Variants in GRM4 observed in about 807,000 individuals in gnomAD.
GRM4 encodes glutamate metabotropic receptor 4, also known as metabotropic glutamate receptor 4.
Under a neutral mutation model 81.7 loss-of-function variants are expected in GRM4, and 28 were observed. The observed-to-expected ratio is 0.34, with a 90% CI of 0.25 to 0.47. The LOEUF is 0.47. GRM4 is among the 20% of genes least tolerant of loss of function. The pLI, the probability that GRM4 is intolerant of heterozygous loss-of-function variation, is 1.00. For synonymous variants in GRM4, 488 were observed against 528.8 expected, an observed-to-expected ratio of 0.92 and a Z score of 1.06; for missense variants, 948 against 1,290.0, an observed-to-expected ratio of 0.73 and a Z score of 4.06.
chr6:34,084,591 T>C (rs977561779), intron 3 of GRM4, among the ~76,000 whole-genome samples: 1 of 152,116 alleles, frequency 6.6e-6, no homozygotes, highest in African/African-American at 2.4e-5. Flanking sequence ...CAAGTGGAGA[T>C]GGTCAGCCAA....
intron 2 of GRM4, among the ~76,000 whole-genome samples, chr6:34,105,255 GC>G (rs960242380): frequency 8.5e-5 from 13 of 152,292 alleles, no homozygotes; most frequent in Middle Eastern, 6.8e-3. Flanking sequence ...CAGAGAGGAG[GC>G]CCCCCTGGGG....
intron 5 of GRM4, among the ~76,000 whole-genome samples, chr6:34,057,410 A>G (rs1014833035): frequency 2.6e-5 from 4 of 152,146 alleles, no homozygotes; most frequent in Admixed American, 2.6e-4. Flanking sequence ...TGGAAGCAAA[A>G]TGACCGGCCA....
chr6:34,151,941 G>A (rs1211877087), intron 1 of GRM4, among the ~76,000 whole-genome samples: 1 of 152,078 alleles, frequency 6.6e-6, no homozygotes, highest in Non-Finnish European at 1.5e-5. Context: ...GGGGCAGTTT[G>A]GGGGATGAAA....
At position 34,044,363 on chromosome 6, in the gene GRM4, GAC is replaced by G. The variant is rs1214470954; in HGVS notation, c.1169-3617_1169-3616del. On this transcript the variant is annotated intron_variant, in intron 6 of 10. Coordinates refer to ENST00000538487, the MANE Select transcript of GRM4 (RefSeq NM_000841.4). ...ATACATACATACACATATATACACA[GAC>G]ACACACATACACACACATAGACATA... 9.4e-5 allele frequency among the ~76,000 whole-genome samples: 8 copies of G among 85,028 alleles called. No individual in the cohort carries two copies. In the East Asian group the frequency reaches 1.0e-3, roughly 11 times the overall value. 55.8% of individuals were successfully genotyped at this position (85,028 alleles called of 152,430 possible).
intron 6 of GRM4, chr6:34,055,781 A>G (rs1765841397): frequency 1.3e-5 from 2 of 152,140 alleles, no homozygotes; most frequent in Admixed American, 1.3e-4. Flanking sequence ...CCCTCTATCT[A>G]TGGGAATTCA....
chr6:34,122,311 CAGA>C (rs1336549116), intron 2 of GRM4, among the ~76,000 whole-genome samples: 1 of 152,038 alleles, frequency 6.6e-6, no homozygotes, highest in Non-Finnish European at 1.5e-5. Flanking sequence ...CACAGTCAGA[CAGA>C]AGGAGGCAGG....
intron 2 of GRM4, among the ~76,000 whole-genome samples, chr6:34,125,641 G>A (rs914872181): frequency 3.3e-5 from 5 of 152,234 alleles, no homozygotes; most frequent in South Asian, 2.1e-4. Flanking sequence ...GCACGCAGAG[G>A]ATTGGCTGCC....
chr6:34,122,597 G>T lies in GRM4; in HGVS notation c.519+10381C>A, dbSNP rs139950187. ...GTCGGGAGAAAAATGAAGGCACATGGTTCATTCAGCGGTGGGCGGGGGGTG... is the reference window on the plus strand; with the variant it reads ...GTCGGGAGAAAAATGAAGGCACATGTTTCATTCAGCGGTGGGCGGGGGGTG... On this transcript the variant is annotated intron_variant, in intron 2 of 10. Transcript: ENST00000538487. 2.2e-3 allele frequency among the ~76,000 whole-genome samples: 314 copies of T among 143,038 alleles called. 3 individuals are homozygous for T. Among genetic ancestry groups the T allele is most frequent in the African/African-American group, 7.4e-3 (293 of 39,656 alleles). 93.8% of individuals were successfully genotyped at this position (143,038 alleles called of 152,430 possible).
chr6:34,100,397 C>T (rs1768772176), intron 2 of GRM4, among the ~76,000 whole-genome samples: 1 of 152,226 alleles, frequency 6.6e-6, no homozygotes, highest in Non-Finnish European at 1.5e-5. Context: ...GAGTGCATGT[C>T]AGAGTGTCCT....
chr6:34,052,169 C>T (rs888821747), intron 6 of GRM4, among the ~76,000 whole-genome samples: 7 of 152,210 alleles, frequency 4.6e-5, no homozygotes, highest in Admixed American at 3.9e-4. Flanking sequence ...CATCCCTCCA[C>T]CAATGCCTGA....
chr6:34,143,109 T>TG (rs998548776), intron 1 of GRM4, among the ~76,000 whole-genome samples: 6 of 152,002 alleles, frequency 3.9e-5, no homozygotes, highest in African/African-American at 9.7e-5. Context: ...GTGCGGGGTG[T>TG]GGGGGGGATA....
chr6:34,065,297 C>A (rs533227018), intron 3 of GRM4, among the ~76,000 whole-genome samples: 1 of 152,322 alleles, frequency 6.6e-6, no homozygotes, highest in South Asian at 2.1e-4. Flanking sequence ...GACTAACACT[C>A]CCGCAGACGC....
rs779063629 is a variant in GRM4, at chr6:34,022,524, C to G, written c.*297G>C. On this transcript the variant is annotated 3_prime_UTR_variant, in exon 11 of 11. Transcript: ENST00000538487. This position sits in a 1 kb window ranked among gnomAD's most constrained non-coding sequence, Gnocchi z 5.6. ...GAGACGAAGGGAGGGAGAGATCTAG[C>G]ACTGGGGCCCACACGACCTGAGCCC... 2.1e-5 allele frequency: 10 copies of G among 486,286 alleles called. No homozygotes were observed. Among genetic ancestry groups the G allele is most frequent in the Non-Finnish European group, 3.7e-5 (10 of 267,472 alleles). The allele number at this position is 486,286 out of a possible 1,614,324, so 30.1% of individuals were successfully genotyped here. A position where few individuals can be genotyped will look rare whatever the true frequency, so the allele number is the denominator to read the frequency against.
chr6:34,084,802 G>A (rs1373738152), intron 3 of GRM4, among the ~76,000 whole-genome samples: 7 of 152,068 alleles, frequency 4.6e-5, no homozygotes, highest in Admixed American at 4.6e-4. Flanking sequence ...CCCACCTGGC[G>A]TGCCCTTTCC....
intron 6 of GRM4, among the ~76,000 whole-genome samples, chr6:34,041,795 G>A (rs1388141658): frequency 6.6e-6 from 1 of 152,124 alleles, no homozygotes; most frequent in Non-Finnish European, 1.5e-5. Flanking sequence ...CTGGGCCCTG[G>A]GTAATCATGA....
chr6:34,025,599 C>G (rs1476418251), intron 10 of GRM4, among the ~76,000 whole-genome samples: 2 of 152,210 alleles, frequency 1.3e-5, no homozygotes, highest in Non-Finnish European at 2.9e-5. Flanking sequence ...TCACCCAAGC[C>G]TCAGTCTCAC....
chr6:34,077,750 CTT>C (rs1767389349), intron 3 of GRM4, among the ~76,000 whole-genome samples: 2 of 152,188 alleles, frequency 1.3e-5, no homozygotes. Context: ...TTCCCAGACT[CTT>C]TTCTTCAAGT....
intron 2 of GRM4, among the ~76,000 whole-genome samples, chr6:34,120,690 G>A (rs1179649119): frequency 6.6e-6 from 1 of 152,138 alleles, no homozygotes; most frequent in Non-Finnish European, 1.5e-5. Context: ...CCTCCCAGGA[G>A]CAGGATAGCC....
At chr6:34,103,500 G>A in intron 2 of GRM4, 1 of 1,121,858 alleles carries the variant, frequency 8.9e-7, no homozygotes, top group Non-Finnish European at 1.3e-6. Flanking sequence ...GGGGCGGCGG[G>A]CGAGGGAGAG....
Sources: allele counts gnomAD v4.1 joint callset (sites outside exome capture counted in the v4.1 genomes callset), GRCh38; gene constraint gnomAD v4.1.1; non-coding constraint Gnocchi (gnomAD v3.1); transcripts MANE v1.5; gene names NCBI Gene and HGNC (gene_info 2026-07-23, HGNC 2026-07-21).